PCBP3: variants seen among roughly 807,000 people sequenced by gnomAD.
PCBP3 encodes poly(rC) binding protein 3, also known as poly(rC)-binding protein 3.
In PCBP3, 25 loss-of-function variants were observed where a neutral mutation model predicts 52.7. The ratio of observed to expected loss-of-function variants is 0.47; its 90% confidence interval spans 0.35 to 0.66. The LOEUF (loss-of-function observed/expected upper bound fraction) is 0.66. Among genes scored for constraint, PCBP3 ranks in the 30% least tolerant of loss-of-function variants. PCBP3 has a pLI of 0.01. For missense variants in PCBP3, 391 were observed against 490.3 expected, an observed-to-expected ratio of 0.80 and a Z score of 1.91; for synonymous variants, 162 against 183.0, an observed-to-expected ratio of 0.89 and a Z score of 0.93.
chr21:45,880,643 G>A lies in PCBP3; in HGVS notation c.11-15565G>A, dbSNP rs1033326357. 3.9e-5 allele frequency among the ~76,000 whole-genome samples: 6 copies of A among 152,152 alleles called. No homozygotes were observed. The highest frequency in any genetic ancestry group is 1.4e-4 in the African/African-American group (6 of 41,438). On this transcript the variant is annotated intron_variant, in intron 5 of 17. Coordinates refer to ENST00000681687, the MANE Select transcript of PCBP3 (RefSeq NM_001384156.1). The surrounding 1 kb of genome is among the most constrained non-coding windows in gnomAD (Gnocchi z 5.4). ...GGGAACTGGGGATTCAGTGGTGAAC[G>A]GAGGAGACACGTGTGCCCTCTGCCC...
At chr21:45,849,846 C>A in intron 4 of PCBP3, 115 bp from the exon 5 acceptor site, 1 of 549,954 alleles carries the variant, frequency 1.8e-6, no homozygotes. Context: ...TACTCGAATG[C>A]TGAAGAGGTG....
At chr21:45,912,891 CA>C (rs1409002324) in intron 11 of PCBP3, among the ~76,000 whole-genome samples, 1 of 152,178 alleles carries the variant, frequency 6.6e-6, no homozygotes, top group Non-Finnish European at 1.5e-5. Context: ...GGTCACACCC[CA>C]GGGCCCTGGC....
At chr21:45,808,170 C>G (rs568784623) in intron 4 of PCBP3, among the ~76,000 whole-genome samples, 15 of 152,270 alleles carry the variant, frequency 9.9e-5, no homozygotes, top group Admixed American at 9.8e-4. Flanking sequence ...AAAGCAATGG[C>G]AACAAAAGCC....
In PCBP3 at chr21:45,853,330, T is replaced by C. The variant is rs944054826; in HGVS notation, c.10+3235T>C. 6.6e-6 allele frequency among the ~76,000 whole-genome samples: 1 copy of C among 152,224 alleles called. No individual in the cohort carries two copies. Among genetic ancestry groups the C allele is most frequent in the Non-Finnish European group, 1.5e-5 (1 of 68,038 alleles). On this transcript the variant is annotated intron_variant, in intron 5 of 17. Transcript: ENST00000681687. This position sits in a 1 kb window ranked among gnomAD's most constrained non-coding sequence, Gnocchi z 4.6. ...AGATGCCGTGGGTTGGGTGTGCCAATGGCCCTTAAAGGCAGGGCTGGCGTT... is the reference window on the plus strand; with the variant it reads ...AGATGCCGTGGGTTGGGTGTGCCAACGGCCCTTAAAGGCAGGGCTGGCGTT...
At chr21:45,726,984 A>G (rs1246024727) in intron 2 of PCBP3, among the ~76,000 whole-genome samples, 1 of 152,070 alleles carries the variant, frequency 6.6e-6, no homozygotes, top group African/African-American at 2.4e-5. Flanking sequence ...CTGACTTTTC[A>G]TTTTTATAAC....
At chr21:45,772,027 A>C (rs1038590377) in intron 4 of PCBP3, among the ~76,000 whole-genome samples, 3 of 152,188 alleles carry the variant, frequency 2.0e-5, no homozygotes, top group African/African-American at 7.2e-5. Context: ...AATTTATGGG[A>C]CACGTGAAAT....
chr21:45,834,868 G>A (rs988025843), intron 4 of PCBP3, among the ~76,000 whole-genome samples: 5 of 152,236 alleles, frequency 3.3e-5, no homozygotes, highest in Admixed American at 2.0e-4. Flanking sequence ...ACTTCTGAGC[G>A]CTGAGTGCAC....
intron 12 of PCBP3, 84 bp downstream of exon 12, chr21:45,914,109 GT>G (rs2149304179): frequency 6.2e-7 from 1 of 1,604,498 alleles, no homozygotes; most frequent in African/African-American, 1.3e-5. Flanking sequence ...GTGCACTCAG[GT>G]TTTCTCGCCT....
chr21:45,939,130 C>T (rs965671353), intron 16 of PCBP3, among the ~76,000 whole-genome samples: 6 of 152,258 alleles, frequency 3.9e-5, no homozygotes, highest in African/African-American at 1.4e-4. Flanking sequence ...CCCAGCTGCC[C>T]TCCTGGTGCC....
chr21:45,849,109 G>C (rs1262285098), intron 4 of PCBP3, among the ~76,000 whole-genome samples: 1 of 151,994 alleles, frequency 6.6e-6, no homozygotes, highest in Non-Finnish European at 1.5e-5. Flanking sequence ...GTCTTCTTAT[G>C]CCTTGCTATG....
At chr21:45,706,595 T>C (rs1232073542) in intron 2 of PCBP3, among the ~76,000 whole-genome samples, 2 of 152,228 alleles carry the variant, frequency 1.3e-5, no homozygotes, top group Admixed American at 1.3e-4. Flanking sequence ...GTAAATGCTC[T>C]AGAATTTAGG....
chr21:45,757,508 A>C (rs758508081), intron 4 of PCBP3, among the ~76,000 whole-genome samples: 8 of 152,172 alleles, frequency 5.3e-5, no homozygotes, highest in Non-Finnish European at 1.0e-4. Flanking sequence ...ACCTTTTGAC[A>C]AACAAAAGTT....
chr21:45,939,619 T>A (rs567759105), intron 16 of PCBP3, among the ~76,000 whole-genome samples: 91 of 152,380 alleles, frequency 6.0e-4, no homozygotes, highest in African/African-American at 2.2e-3. Flanking sequence ...CCCTGGGATG[T>A]GGCCAAGAAG....
Position 45,909,385 on chromosome 21 carries a change from G to A in PCBP3, c.370G>A (p.Ala124Thr). The change falls in exon 10 of 18, where the codon GCC (alanine) becomes ACC (threonine). Residue 124 changes from alanine to threonine, a missense_variant. Coordinates refer to ENST00000681687, the MANE Select transcript of PCBP3 (RefSeq NM_001384156.1). Reference protein sequence around the residue: ...DIINSMSNSPATSKPPVTLRL... With the variant: ...DIINSMSNSPTTSKPPVTLRL... The stretch of plus-strand genomic sequence containing the variant: ...CATCAACTCCATGAGCAACAGCCCT[G>A]CCACCAGCAAGCCCCCAGTGACGCT... 6.2e-7 allele frequency: 1 copy of A among 1,613,156 alleles called. No homozygotes were observed. Among genetic ancestry groups the A allele is most frequent in the Non-Finnish European group, 8.5e-7 (1 of 1,179,760 alleles).
chr21:45,914,462 G>A (rs1228442118), intron 12 of PCBP3: 1 of 322,790 alleles, frequency 3.1e-6, no homozygotes, highest in Non-Finnish European at 5.7e-6. Context: ...ACGTGCGAGA[G>A]GAGGGAGCTC....
Position 45,741,949 on chromosome 21 carries a change from T to G in PCBP3, c.-162+6520T>G, listed in dbSNP as rs898069485. ...GAAATTCCAGTCCAGACTGTCTGCCTCAGGCATTCAGTACACACTTTCGTG... is the reference window on the plus strand; with the variant it reads ...GAAATTCCAGTCCAGACTGTCTGCCGCAGGCATTCAGTACACACTTTCGTG... On this transcript the variant is annotated intron_variant, in intron 3 of 17. Coordinates refer to ENST00000681687, the MANE Select transcript of PCBP3 (RefSeq NM_001384156.1). This position sits in a 1 kb window ranked among gnomAD's most constrained non-coding sequence, Gnocchi z 4.5. Among the ~76,000 whole-genome samples the G allele has an allele frequency of 1.3e-5, 2 of 152,204 alleles. No homozygotes were observed. Among genetic ancestry groups the G allele is most frequent in the African/African-American group, 2.4e-5 (1 of 41,460 alleles).
intron 2 of PCBP3, among the ~76,000 whole-genome samples, chr21:45,725,203 G>A (rs906646241): frequency 2.0e-5 from 3 of 152,184 alleles, no homozygotes; most frequent in Admixed American, 2.0e-4. Flanking sequence ...GTGGTCTGTG[G>A]TAGCTTCCAC....
intron 13 of PCBP3, among the ~76,000 whole-genome samples, chr21:45,924,192 A>G (rs1472547195): frequency 7.4e-6 from 1 of 135,182 alleles, no homozygotes; most frequent in Non-Finnish European, 1.6e-5. Context: ...GGGTAGAAAC[A>G]GCACACGTAA....
At chr21:45,936,445 G>T (rs76583883) in intron 16 of PCBP3, among the ~76,000 whole-genome samples, 3,995 of 152,306 alleles carry the variant, frequency 0.026, 59 homozygotes, top group Non-Finnish European at 0.04. Flanking sequence ...CAGCATTGTG[G>T]TCCAGCCTTC....
Sources: gnomAD v4.1 joint callset for allele counts (sites outside exome capture counted in the v4.1 genomes callset) on GRCh38, gnomAD v4.1.1 for gene constraint, Gnocchi (gnomAD v3.1) non-coding constraint, MANE v1.5 for transcripts, NCBI Gene and HGNC (gene_info 2026-07-23, HGNC 2026-07-21) for gene names.